The following ERC2 variants were observed in gnomAD, a reference collection of about 807,000 sequenced individuals.
ERC2 encodes ERC protein 2.
In ERC2, 42 loss-of-function variants were observed where a neutral mutation model predicts 114.8. That is an observed-to-expected ratio of 0.37 (90% CI 0.29 to 0.47). The LOEUF (loss-of-function observed/expected upper bound fraction) is 0.47. Ranked by LOEUF, ERC2 falls within the 20% of genes least tolerant of loss-of-function variation. The probability of loss-of-function intolerance (pLI) is 0.99; values close to 1 mark genes in which losing one functional copy is unlikely to be tolerated. For missense variants in ERC2, 939 were observed against 1,150.7 expected, an observed-to-expected ratio of 0.82 and a Z score of 2.66; for synonymous variants, 454 against 425.5, an observed-to-expected ratio of 1.07 and a Z score of -0.82.
In ERC2 at chr3:55,595,334, C is replaced by A. The variant is rs193292575; in HGVS notation, c.*40-84058G>T. Reference sequence around the variant, plus strand: ...CTAAATAGTGGTTTAATAGCTTCTCCTCAGCATTCTGTCTCCTAATGGACT... The same window carrying A: ...CTAAATAGTGGTTTAATAGCTTCTCATCAGCATTCTGTCTCCTAATGGACT... On this transcript the variant is annotated intron_variant, in intron 17 of 17. Coordinates refer to ENST00000288221, the MANE Select transcript of ERC2 (RefSeq NM_015576.3). Among the ~76,000 whole-genome samples the A allele has an allele frequency of 3.3e-3, 507 of 152,300 alleles. 3 individuals are homozygous for A. Among genetic ancestry groups the A allele is most frequent in the Non-Finnish European group, 5.5e-3 (375 of 68,022 alleles).
intron 3 of ERC2, among the ~76,000 whole-genome samples, chr3:56,219,321 T>A (rs996728118): frequency 1.3e-5 from 2 of 151,994 alleles, no homozygotes; most frequent in African/African-American, 4.8e-5. Flanking sequence ...ATTTTTCTTC[T>A]TAGGTGGGAC....
intron 17 of ERC2, among the ~76,000 whole-genome samples, chr3:55,595,570 G>A (rs1000832743): frequency 6.6e-5 from 10 of 152,320 alleles, no homozygotes; most frequent in Non-Finnish European, 1.0e-4. Flanking sequence ...CATAGGCAGC[G>A]CATTAAGGCT....
intron 3 of ERC2, among the ~76,000 whole-genome samples, chr3:56,287,591 A>G (rs2054806558): frequency 6.6e-6 from 1 of 152,222 alleles, no homozygotes; most frequent in Non-Finnish European, 1.5e-5. Context: ...AATAAATCAG[A>G]GCCTTTTGCA....
intron 6 of ERC2, among the ~76,000 whole-genome samples, chr3:56,082,907 G>C (rs1477622591): frequency 6.6e-6 from 1 of 151,938 alleles, no homozygotes; most frequent in African/African-American, 2.4e-5. Flanking sequence ...TTCACAATGG[G>C]GTTCACTCTC....
intron 14 of ERC2, among the ~76,000 whole-genome samples, chr3:55,765,644 T>G (rs2067724916): frequency 6.6e-6 from 1 of 152,146 alleles, no homozygotes; most frequent in African/African-American, 2.4e-5. Flanking sequence ...CTTGAGGCTT[T>G]TTTCCCTGAG....
intron 14 of ERC2, among the ~76,000 whole-genome samples, chr3:55,793,728 G>T (rs1365300013): frequency 1.3e-5 from 2 of 152,036 alleles, no homozygotes; most frequent in Admixed American, 6.6e-5. Flanking sequence ...ATGAAAAATC[G>T]TATTATTTAG....
intron 3 of ERC2, among the ~76,000 whole-genome samples, chr3:56,182,246 A>C (rs1392400631): frequency 6.6e-6 from 1 of 152,192 alleles, no homozygotes; most frequent in Non-Finnish European, 1.5e-5. Flanking sequence ...TTATAAAATT[A>C]ATTAATCCAT....
chr3:55,792,450 T>G (rs992281426), intron 14 of ERC2, among the ~76,000 whole-genome samples: 2 of 152,230 alleles, frequency 1.3e-5, no homozygotes, highest in Non-Finnish European at 2.9e-5. Context: ...GACAAATGTT[T>G]ATTTTTCTGC....
At chr3:55,643,264 A>C (rs2060261691) in intron 17 of ERC2, among the ~76,000 whole-genome samples, 2 of 152,250 alleles carry the variant, frequency 1.3e-5, no homozygotes, top group African/African-American at 4.8e-5. Flanking sequence ...CCTTTCCTTG[A>C]ATACTTCTTT....
chr3:56,099,760 G>C (rs1242805059), intron 6 of ERC2, among the ~76,000 whole-genome samples: 1 of 152,176 alleles, frequency 6.6e-6, no homozygotes, highest in East Asian at 1.9e-4. Flanking sequence ...GTGAAGTAAA[G>C]GATATGTGAA....
intron 6 of ERC2, among the ~76,000 whole-genome samples, chr3:56,126,472 A>T (rs2079869487): frequency 6.6e-6 from 1 of 152,228 alleles, no homozygotes; most frequent in Non-Finnish European, 1.5e-5. Context: ...TGATGACATG[A>T]TCTTACATAT....
intron 14 of ERC2, among the ~76,000 whole-genome samples, chr3:55,780,109 T>C (rs1394779476): frequency 1.3e-5 from 2 of 152,146 alleles, no homozygotes; most frequent in African/African-American, 2.4e-5. Flanking sequence ...AACATTCCCA[T>C]GAAATCCAGA....
chr3:55,697,512 C>T (rs186508525), intron 16 of ERC2, among the ~76,000 whole-genome samples: 1 of 152,174 alleles, frequency 6.6e-6, no homozygotes, highest in East Asian at 1.9e-4. Context: ...GTCAAGTGGA[C>T]AAGACACCCT....
intron 7 of ERC2, among the ~76,000 whole-genome samples, chr3:56,034,402 T>C (rs1328123812): frequency 1.3e-5 from 2 of 152,148 alleles, no homozygotes; most frequent in East Asian, 1.9e-4. Flanking sequence ...ACTTCAGTAC[T>C]CATTTTAAAT....
intron 2 of ERC2, among the ~76,000 whole-genome samples, chr3:56,426,778 G>A (rs768060441): frequency 1.6e-4 from 24 of 152,194 alleles, no homozygotes; most frequent in Non-Finnish European, 3.1e-4. Context: ...GAGGGAGAGA[G>A]ATAAACGCTT....
chr3:55,811,340 G>C (rs1052554134), intron 14 of ERC2, among the ~76,000 whole-genome samples: 1 of 151,418 alleles, frequency 6.6e-6, no homozygotes, highest in African/African-American at 2.5e-5. Context: ...GAGCTTTTAG[G>C]TACTCTCTCT....
chr3:55,747,651 T>C (rs933024642), intron 14 of ERC2, among the ~76,000 whole-genome samples: 5 of 152,264 alleles, frequency 3.3e-5, no homozygotes, highest in South Asian at 2.1e-4. Context: ...ATCTTGTTGA[T>C]TGTGTCAACA....
At chr3:56,123,169 T>C (rs1194328488) in intron 6 of ERC2, among the ~76,000 whole-genome samples, 1 of 152,160 alleles carries the variant, frequency 6.6e-6, no homozygotes, top group East Asian at 1.9e-4. Flanking sequence ...TGAATGCTTA[T>C]GCCACCCACC....
chr3:56,258,969 T>C (rs2052715437), intron 3 of ERC2, among the ~76,000 whole-genome samples: 1 of 118,870 alleles, frequency 8.4e-6, no homozygotes, highest in Non-Finnish European at 1.8e-5. Context: ...TTTTAATTAA[T>C]TAATTAATTT....
Sources: gnomAD v4.1 joint callset for allele counts (sites outside exome capture counted in the v4.1 genomes callset) on GRCh38, gnomAD v4.1.1 for gene constraint, MANE v1.5 for transcripts, NCBI Gene and HGNC (gene_info 2026-07-23, HGNC 2026-07-21) for gene names.